KHDRBS2: variants seen among roughly 807,000 people sequenced by gnomAD.
KHDRBS2 encodes KH domain-containing, RNA-binding, signal transduction-associated protein 2.
A neutral mutation model predicts 44.3 loss-of-function variants in KHDRBS2; 26 were observed. The observed-to-expected ratio is 0.59, with a 90% confidence interval of 0.43 to 0.81. The LOEUF (loss-of-function observed/expected upper bound fraction) is 0.81. Among genes scored for constraint, KHDRBS2 ranks in the 40% least tolerant of loss-of-function variants. The pLI, the probability that KHDRBS2 is intolerant of heterozygous loss-of-function variation, is 0.00. For missense variants in KHDRBS2, 476 were observed against 433.1 expected, an observed-to-expected ratio of 1.10 and a Z score of -0.88; for synonymous variants, 194 against 151.1, an observed-to-expected ratio of 1.28 and a Z score of -2.08.
chr6:61,555,384 C>T, the KHDRBS2 span, among the ~76,000 whole-genome samples: 15 of 151,866 alleles, frequency 9.9e-5, no homozygotes, highest in Admixed American at 3.3e-4. Flanking sequence ...CTGAAAATGA[C>T]CATTTCATCT....
intron 5 of KHDRBS2, among the ~76,000 whole-genome samples, chr6:61,897,401 A>C (rs1562394296): frequency 6.6e-6 from 1 of 152,158 alleles, no homozygotes. Flanking sequence ...CACCTGCCCA[A>C]GGTCACACCA....
At chr6:62,017,118 CA>C (rs1306272266) in intron 3 of KHDRBS2, among the ~76,000 whole-genome samples, 1 of 152,006 alleles carries the variant, frequency 6.6e-6, no homozygotes, top group Non-Finnish European at 1.5e-5. Flanking sequence ...CACAAAAACA[CA>C]AAACTCAATA....
intron 4 of KHDRBS2, among the ~76,000 whole-genome samples, chr6:61,908,085 T>C (rs759751348): frequency 6.6e-6 from 1 of 152,134 alleles, no homozygotes. Flanking sequence ...CTTGCTAACA[T>C]AGATATTCAT....
chr6:62,122,741 A>G lies in KHDRBS2; in HGVS notation c.219+54444T>C, dbSNP rs1009711660. On this transcript the variant is annotated intron_variant, in intron 2 of 8. Coordinates refer to ENST00000281156, the MANE Select transcript of KHDRBS2 (RefSeq NM_152688.4). The stretch of plus-strand genomic sequence containing the variant: ...GAAAGTGGACAGCTGCCGCAGCACT[A>G]CAGCCCCCTTTTAGCCAGTGTCCAC... Among the ~76,000 whole-genome samples the G allele has an allele frequency of 9.6e-5, 12 of 125,536 alleles. 1 individual carries two copies. Among genetic ancestry groups the G allele is most frequent in the African/African-American group, 3.3e-4 (10 of 30,594 alleles). 82.4% of individuals were successfully genotyped at this position (125,536 alleles called of 152,430 possible).
chr6:62,276,558 A>G (rs1257986460), intron 1 of KHDRBS2, among the ~76,000 whole-genome samples: 3 of 152,216 alleles, frequency 2.0e-5, no homozygotes, highest in African/African-American at 7.2e-5. Flanking sequence ...TCTAAGAAGC[A>G]GTCAATGTAA....
chr6:62,124,791 T>A (rs528871023), intron 2 of KHDRBS2, among the ~76,000 whole-genome samples: 1 of 152,312 alleles, frequency 6.6e-6, no homozygotes, highest in East Asian at 1.9e-4. Context: ...AGTTCAATTT[T>A]TAATTTTTTT....
At chr6:62,020,018 G>A (rs551806464) in intron 3 of KHDRBS2, among the ~76,000 whole-genome samples, 5 of 151,390 alleles carry the variant, frequency 3.3e-5, no homozygotes, top group South Asian at 2.1e-4. Context: ...TGAGGTCATC[G>A]ATTTTACATT....
chr6:62,114,424 C>A (rs1805729741), intron 2 of KHDRBS2, among the ~76,000 whole-genome samples: 2 of 152,042 alleles, frequency 1.3e-5, no homozygotes, highest in South Asian at 2.1e-4. Context: ...TGACATTGAT[C>A]AGTTCACTAA....
chr6:61,774,691 C>T (rs1049468969), intron 6 of KHDRBS2, among the ~76,000 whole-genome samples: 2 of 152,160 alleles, frequency 1.3e-5, no homozygotes, highest in African/African-American at 4.8e-5. Context: ...GATGGATTCA[C>T]AGCCGAATTC....
chr6:62,089,631 T>C (rs1052310230), intron 2 of KHDRBS2, among the ~76,000 whole-genome samples: 3 of 152,166 alleles, frequency 2.0e-5, no homozygotes, highest in African/African-American at 7.2e-5. Context: ...AACTTCTGCA[T>C]TGGTCTCGCT....
At chr6:61,997,541 C>G (rs192801364) in intron 3 of KHDRBS2, among the ~76,000 whole-genome samples, 1 of 152,158 alleles carries the variant, frequency 6.6e-6, no homozygotes, top group Admixed American at 6.5e-5. Flanking sequence ...CTTGCAAATT[C>G]GGTAAGGGTG....
intron 2 of KHDRBS2, among the ~76,000 whole-genome samples, chr6:62,163,953 T>C (rs1159538619): frequency 6.6e-6 from 1 of 151,978 alleles, no homozygotes; most frequent in African/African-American, 2.4e-5. Flanking sequence ...AGTTAAGTCA[T>C]TCCTCTAAGC....
At chr6:61,613,203 C>T in the KHDRBS2 span, among the ~76,000 whole-genome samples, 2 of 152,032 alleles carry the variant, frequency 1.3e-5, no homozygotes, top group Admixed American at 1.3e-4. Context: ...CTGTTTCCTC[C>T]TATAGAATAC....
chr6:61,723,571 A>T (rs1562035172), intron 7 of KHDRBS2, among the ~76,000 whole-genome samples: 1 of 149,528 alleles, frequency 6.7e-6, no homozygotes. Context: ...ACAAACAAAC[A>T]AACAAAAAAA....
At chr6:62,186,754 G>A (rs974491455) in intron 1 of KHDRBS2, among the ~76,000 whole-genome samples, 1 of 151,988 alleles carries the variant, frequency 6.6e-6, no homozygotes, top group East Asian at 1.9e-4. Context: ...AAGAGTTAAA[G>A]ATTTATTTAT....
intron 6 of KHDRBS2, among the ~76,000 whole-genome samples, chr6:61,775,295 A>G (rs544058259): frequency 9.7e-4 from 147 of 152,210 alleles, no homozygotes; most frequent in African/African-American, 3.3e-3. Flanking sequence ...TGGCCAGGGC[A>G]ATCAAGCAGC....
chr6:62,044,536 A>G (rs1787253963), intron 3 of KHDRBS2, among the ~76,000 whole-genome samples: 1 of 151,982 alleles, frequency 6.6e-6, no homozygotes, highest in Non-Finnish European at 1.5e-5. Flanking sequence ...AAAGACATAC[A>G]TTTTGTAGTA....
At chr6:62,117,683 G>T (rs1048672560) in intron 2 of KHDRBS2, among the ~76,000 whole-genome samples, 2 of 152,052 alleles carry the variant, frequency 1.3e-5, no homozygotes, top group African/African-American at 4.8e-5. Flanking sequence ...TGCTTTCCCA[G>T]ACCAATGTCC....
chr6:61,791,451 AT>A (rs1284364114), intron 6 of KHDRBS2, among the ~76,000 whole-genome samples: 2 of 151,398 alleles, frequency 1.3e-5, no homozygotes, highest in Admixed American at 6.6e-5. Flanking sequence ...AATTATAAAT[AT>A]TTTTTCATAG....
Sources: allele counts gnomAD v4.1 joint callset (sites outside exome capture counted in the v4.1 genomes callset), GRCh38; gene constraint gnomAD v4.1.1; transcripts MANE v1.5; gene names NCBI Gene and HGNC (gene_info 2026-07-23, HGNC 2026-07-21).